TBCK: variants seen among roughly 807,000 people sequenced by gnomAD.
The protein encoded by TBCK is TBC domain-containing protein kinase-like protein.
Under a neutral mutation model 113.4 loss-of-function variants are expected in TBCK, and 99 were observed. The observed-to-expected ratio is 0.87, with a 90% CI of 0.74 to 1.03. The LOEUF (loss-of-function observed/expected upper bound fraction) is 1.03, where lower values mean the gene tolerates loss of function less well. Ranked by LOEUF, TBCK falls within the 50% of genes least tolerant of loss-of-function variation. The probability of loss-of-function intolerance (pLI) is 0.00; values close to 1 mark genes in which losing one functional copy is unlikely to be tolerated. For synonymous variants in TBCK, 369 were observed against 370.8 expected (o/e 1.00, Z 0.05); for missense variants, 1,045 against 1,061.3 (o/e 0.98, Z 0.21).
At chr4:106,052,145 T>C (rs1734880904) in intron 25 of TBCK, among the ~76,000 whole-genome samples, 1 of 151,818 alleles carries the variant, frequency 6.6e-6, no homozygotes, top group Non-Finnish European at 1.5e-5. Context: ...CTGGTTTTCA[T>C]AGTAATAATA....
intron 3 of TBCK, among the ~76,000 whole-genome samples, chr4:106,285,305 A>G (rs2125804010): frequency 6.6e-6 from 1 of 152,186 alleles, no homozygotes; most frequent in East Asian, 1.9e-4. Flanking sequence ...TTATAATATA[A>G]ATTCTCAAAA....
At chr4:106,316,583 C>T (rs549111313), upstream of TBCK, 18 of 1,551,502 alleles carry the variant, frequency 1.2e-5, no homozygotes, top group African/African-American at 2.2e-4. Context: ...AACCCGTGGT[C>T]CTCCGCTTCA....
At chr4:106,232,502 T>A (rs971631773) in intron 17 of TBCK, among the ~76,000 whole-genome samples, 1 of 150,080 alleles carries the variant, frequency 6.7e-6, no homozygotes, top group African/African-American at 2.5e-5. Context: ...ATATGAACCA[T>A]TAAAGATACA....
chr4:106,230,308 C>G lies in TBCK; in HGVS notation c.1774+55G>C. 3 of 1,120,350 alleles carry G rather than the reference C, an allele frequency of 2.7e-6. No individual in the cohort carries two copies. The South Asian group carries it at 5.1e-5, about 19-fold the overall frequency. 69.4% of individuals were successfully genotyped at this position (1,120,350 alleles called of 1,614,324 possible). On this transcript the variant is annotated intron_variant, in intron 19 of 25. Transcript: ENST00000394708. ...TAAATTTAATCAAATATTACATCAG[C>G]ACACCAGTACATCAGTAGTTTCTCT...
At chr4:106,295,289 C>T in intron 2 of TBCK, 123 bp from the exon 3 acceptor site, 1 of 661,338 alleles carries the variant, frequency 1.5e-6, no homozygotes. Context: ...AAGAGCCTTT[C>T]AAACTCTATA....
chr4:106,293,465 A>G lies in TBCK; in HGVS notation c.266+1629T>C, dbSNP rs557837502. ...TATAATTACTTCATTATATATTACA[A>G]TATAATAAAAATAGAAATAAAGTAC... On this transcript the variant is annotated intron_variant, in intron 3 of 25. Coordinates refer to ENST00000394708, the MANE Select transcript of TBCK (RefSeq NM_001163435.3). Among the ~76,000 whole-genome samples, 4 of 152,314 alleles carry G rather than the reference A, an allele frequency of 2.6e-5. No individual in the cohort carries two copies. The East Asian group carries it at 5.8e-4, about 22-fold the overall frequency.
rs557681383 is a variant in TBCK at position 106,167,129 on chromosome 4, T to G, written c.2235+3966A>C. 4.9e-3 allele frequency among the ~76,000 whole-genome samples: 705 copies of G among 144,146 alleles called. 5 individuals are homozygous for G. Among genetic ancestry groups the G allele is most frequent in the African/African-American group, 0.015 (579 of 38,870 alleles). 94.6% of individuals were successfully genotyped at this position (144,146 alleles called of 152,430 possible). A position where few individuals can be genotyped will look rare whatever the true frequency, so the allele number is the denominator to read the frequency against. On this transcript the variant is annotated intron_variant, in intron 23 of 25. Transcript: ENST00000394708. ...ATTATATACACACTGTATATATATA[T>G]ATAGAGAGAGAGAGAGAGAACTATA... is the stretch of plus-strand genomic sequence containing the variant.
chr4:106,288,808 TATG>T (rs1765383781), intron 3 of TBCK, among the ~76,000 whole-genome samples: 1 of 152,212 alleles, frequency 6.6e-6, no homozygotes, highest in Admixed American at 6.5e-5. Flanking sequence ...TGGGCAACAA[TATG>T]ATACCACAAG....
At chr4:106,276,975 G>C (rs1488020109) in intron 3 of TBCK, among the ~76,000 whole-genome samples, 2 of 152,054 alleles carry the variant, frequency 1.3e-5, no homozygotes, top group Non-Finnish European at 2.9e-5. Flanking sequence ...GTAGAATATA[G>C]AGAATACACA....
chr4:106,183,060 T>TCAGG (rs1752592318), intron 22 of TBCK, among the ~76,000 whole-genome samples: 1 of 152,056 alleles, frequency 6.6e-6, no homozygotes, highest in African/African-American at 2.4e-5. Context: ...TAGAAATCTC[T>TCAGG]CAGGACTTTG....
At chr4:106,107,042 A>T (rs1353937689) in intron 24 of TBCK, among the ~76,000 whole-genome samples, 1 of 151,888 alleles carries the variant, frequency 6.6e-6, no homozygotes, top group African/African-American at 2.4e-5. Flanking sequence ...AAAAAAAGAC[A>T]AGGGCATTAT....
In TBCK at chr4:106,296,767, TAG is replaced by T; in HGVS notation, c.194-1603_194-1602del. On this transcript the variant is annotated intron_variant, in intron 2 of 25. Coordinates refer to ENST00000394708, the MANE Select transcript of TBCK (RefSeq NM_001163435.3). ...AAAATGAAATAGCAAATGATGAAGC[TAG>T]AGAGAGAGGTGAGCAGGAATATTTA... Among the ~76,000 whole-genome samples, 3 of 151,736 alleles carry T rather than the reference TAG, an allele frequency of 2.0e-5. No individual in the cohort carries two copies. The East Asian group carries it at 5.8e-4, about 29-fold the overall frequency.
chr4:106,061,635 CA>C (rs746925974), intron 25 of TBCK, among the ~76,000 whole-genome samples: 1 of 150,730 alleles, frequency 6.6e-6, no homozygotes, highest in Non-Finnish European at 1.5e-5. Flanking sequence ...ACTGAATTTG[CA>C]GTATCTTTGA....
At chr4:106,126,688 C>CAGA (rs1745253683) in intron 23 of TBCK, among the ~76,000 whole-genome samples, 1 of 152,144 alleles carries the variant, frequency 6.6e-6, no homozygotes, top group South Asian at 2.1e-4. Flanking sequence ...AATGATTCTG[C>CAGA]AGAGCAGAAT....
At chr4:106,059,033 G>T (rs1370252876) in intron 25 of TBCK, among the ~76,000 whole-genome samples, 1 of 151,692 alleles carries the variant, frequency 6.6e-6, no homozygotes, top group Non-Finnish European at 1.5e-5. Context: ...TAGTCAAGAA[G>T]GATAAAATAC....
chr4:106,190,687 T>G (rs906183261), intron 22 of TBCK, among the ~76,000 whole-genome samples: 12 of 152,136 alleles, frequency 7.9e-5, no homozygotes, highest in Non-Finnish European at 1.6e-4. Flanking sequence ...GTCCTACTTA[T>G]CCAAATACAC....
chr4:106,068,889 G>A (rs1430190875), intron 25 of TBCK, among the ~76,000 whole-genome samples: 1 of 152,138 alleles, frequency 6.6e-6, no homozygotes, highest in Non-Finnish European at 1.5e-5. Context: ...CATTTCTGAT[G>A]ACCAGTGATC....
rs1761055941 is a variant in TBCK at position 106,248,292 on chromosome 4, A to C, written c.735T>G (p.Thr245=). Reference sequence around the variant, plus strand: ...GGCACTTATTCAAAAGATCTATCACAGTTTCAGGAAGCTCCTGGTAAATAA... The same window carrying C: ...GGCACTTATTCAAAAGATCTATCACCGTTTCAGGAAGCTCCTGGTAAATAA... The part of the protein sequence containing the change: ...CLDIIKELPE[T]VIDLLNKCLT... The change falls in exon 9 of 26, where the codon ACT becomes ACG. Residue 245 remains threonine (T), a synonymous_variant. Coordinates refer to ENST00000394708, the MANE Select transcript of TBCK (RefSeq NM_001163435.3). 1.3e-6 allele frequency: 2 copies of C among 1,588,590 alleles called. No individual in the cohort carries two copies. Among genetic ancestry groups the C allele is most frequent in the African/African-American group, 2.7e-5 (2 of 73,732 alleles).
intron 20 of TBCK, among the ~76,000 whole-genome samples, chr4:106,211,786 T>C (rs1756166347): frequency 6.6e-6 from 1 of 152,088 alleles, no homozygotes; most frequent in Non-Finnish European, 1.5e-5. Flanking sequence ...ATTAATATTC[T>C]AGAGTATAGC....
Sources: gnomAD v4.1 joint callset for allele counts (sites outside exome capture counted in the v4.1 genomes callset) on GRCh38, gnomAD v4.1.1 for gene constraint, MANE v1.5 for transcripts, NCBI Gene and HGNC (gene_info 2026-07-23, HGNC 2026-07-21) for gene names.